The following TBC1D22A variants were observed in gnomAD, a reference collection of about 807,000 sequenced individuals.
The protein encoded by TBC1D22A is TBC1 domain family member 22A, also known as putative GTPase activator.
TBC1D22A carries 38 observed loss-of-function variants against 60.2 expected under a neutral mutation model. The observed-to-expected ratio is 0.63, with a 90% confidence interval of 0.49 to 0.83. The LOEUF is 0.83. TBC1D22A is among the 40% of genes least tolerant of loss of function. The pLI, the probability that TBC1D22A is intolerant of heterozygous loss-of-function variation, is 0.00. For missense variants in TBC1D22A, 628 were observed against 701.0 expected (o/e 0.90, Z 1.18); for synonymous variants, 302 against 281.7 (o/e 1.07, Z -0.72).
intron 8 of TBC1D22A, among the ~76,000 whole-genome samples, chr22:46,972,840 G>A (rs961309709): frequency 6.6e-6 from 1 of 152,146 alleles, no homozygotes; most frequent in Non-Finnish European, 1.5e-5. Flanking sequence ...GTGACTGAGG[G>A]TCCACCCCCA....
chr22:46,796,407 A>G (rs537709814), intron 3 of TBC1D22A, among the ~76,000 whole-genome samples: 8 of 152,290 alleles, frequency 5.3e-5, no homozygotes, highest in Non-Finnish European at 5.9e-5. Flanking sequence ...CTCCTTGCTC[A>G]GCGGCTGCTG....
chr22:46,798,589 C>A (rs2084759507), intron 4 of TBC1D22A, among the ~76,000 whole-genome samples: 1 of 152,252 alleles, frequency 6.6e-6, no homozygotes, highest in South Asian at 2.1e-4. Context: ...TCCTTCCTTT[C>A]CCTATCTCAT....
rs561247383 is a variant in TBC1D22A, at chr22:47,032,765, C to T, written c.1202-4306C>T. Among the ~76,000 whole-genome samples the T allele has an allele frequency of 1.9e-4, 29 of 152,346 alleles. No individual in the cohort carries two copies. In the South Asian group the frequency reaches 5.8e-3, roughly 30 times the overall value. ...TGCTGACTTCAGCTTATCTCCACGG[C>T]AGAGCTTCATTCACGCCAGTGCAAG... On this transcript the variant is annotated intron_variant, in intron 10 of 12. Coordinates refer to ENST00000337137, the MANE Select transcript of TBC1D22A (RefSeq NM_014346.5).
chr22:47,090,669 C>T (rs1329992679), intron 11 of TBC1D22A, among the ~76,000 whole-genome samples: 1 of 151,990 alleles, frequency 6.6e-6, no homozygotes, highest in African/African-American at 2.4e-5. Flanking sequence ...TTGACAGTAG[C>T]GGGGAGGGGG....
chr22:46,862,154 G>A (rs894109139), intron 4 of TBC1D22A, among the ~76,000 whole-genome samples: 3 of 152,230 alleles, frequency 2.0e-5, no homozygotes, highest in African/African-American at 7.2e-5. Context: ...GTTAATGAGT[G>A]AGTGTGAAGA....
chr22:47,022,353 G>A (rs1255511012), intron 10 of TBC1D22A, among the ~76,000 whole-genome samples: 2 of 152,218 alleles, frequency 1.3e-5, no homozygotes, highest in African/African-American at 4.8e-5. Context: ...TACAGGGTGA[G>A]CTCCATGATT....
chr22:46,969,906 T>A (rs1052926494), intron 8 of TBC1D22A, among the ~76,000 whole-genome samples: 2 of 152,222 alleles, frequency 1.3e-5, no homozygotes, highest in African/African-American at 2.4e-5. Context: ...GATACAATCA[T>A]ATTTCAGATG....
At chr22:46,870,330 G>A (rs373473929) in intron 4 of TBC1D22A, among the ~76,000 whole-genome samples, 1 of 152,178 alleles carries the variant, frequency 6.6e-6, no homozygotes. Context: ...GAGAAGTAAA[G>A]CTTTCACAGT....
At chr22:46,978,492 A>G (rs1424950874) in intron 9 of TBC1D22A, among the ~76,000 whole-genome samples, 2 of 152,244 alleles carry the variant, frequency 1.3e-5, no homozygotes, top group Admixed American at 1.3e-4. Flanking sequence ...AACTTAATAG[A>G]AGAATTCTTG....
At chr22:46,798,067 G>A (rs1601907335) in intron 4 of TBC1D22A, among the ~76,000 whole-genome samples, 1 of 152,048 alleles carries the variant, frequency 6.6e-6, no homozygotes, top group Non-Finnish European at 1.5e-5. Context: ...CTACAGATAC[G>A]GGTCTGCCTG....
chr22:46,793,774 C>G lies in TBC1D22A; in HGVS notation c.393C>G (p.Pro131=), dbSNP rs754290212. The change falls in exon 3 of 13, where the codon CCC becomes CCG. Residue 131 remains proline, a synonymous_variant. Transcript: ENST00000337137. The part of the protein sequence containing the change: ...QQKPRPEAEP[P]SPPSGDLRLV... Reference sequence around the variant, plus strand: ...AGCCCAGGCCCGAGGCAGAGCCGCCCTCACCCCCCAGCGGCGACCTCCGGC... The same window carrying G: ...AGCCCAGGCCCGAGGCAGAGCCGCCGTCACCCCCCAGCGGCGACCTCCGGC... The G allele has an allele frequency of 1.9e-6, 3 of 1,604,006 alleles. No homozygotes were observed. Among genetic ancestry groups the G allele is most frequent in the Non-Finnish European group, 2.6e-6 (3 of 1,176,062 alleles).
intron 4 of TBC1D22A, among the ~76,000 whole-genome samples, chr22:46,869,319 C>T (rs1361563259): frequency 1.3e-5 from 2 of 152,226 alleles, no homozygotes; most frequent in African/African-American, 4.8e-5. Context: ...ACCTTGCATT[C>T]CTTTCTCCCA....
intron 9 of TBC1D22A, among the ~76,000 whole-genome samples, chr22:46,995,571 C>T (rs1454283144): frequency 6.6e-6 from 1 of 152,134 alleles, no homozygotes; most frequent in Non-Finnish European, 1.5e-5. Context: ...CGTGTGTTCA[C>T]ATTTGACTTT....
intron 10 of TBC1D22A, among the ~76,000 whole-genome samples, chr22:46,997,995 A>G (rs1259598167): frequency 6.6e-6 from 1 of 152,162 alleles, no homozygotes; most frequent in Admixed American, 6.5e-5. Context: ...GTCATAATCT[A>G]GGTGACGGAT....
chr22:47,037,618 G>A (rs1049590039), intron 11 of TBC1D22A, among the ~76,000 whole-genome samples: 1 of 152,128 alleles, frequency 6.6e-6, no homozygotes, highest in Admixed American at 6.5e-5. Context: ...GTGGCAGAGC[G>A]AGACTCCATC....
chr22:46,850,337 T>C (rs937059153), intron 4 of TBC1D22A, among the ~76,000 whole-genome samples: 2 of 152,204 alleles, frequency 1.3e-5, no homozygotes, highest in East Asian at 1.9e-4. Flanking sequence ...TGTGTGTGTG[T>C]GCGTGTGCGC....
chr22:46,826,696 G>A (rs916795605), intron 4 of TBC1D22A, among the ~76,000 whole-genome samples: 14 of 152,252 alleles, frequency 9.2e-5, no homozygotes. Context: ...CCCGGAGCTT[G>A]CTTGAGTGCT....
intron 11 of TBC1D22A, among the ~76,000 whole-genome samples, chr22:47,091,748 G>A (rs1273546664): frequency 6.6e-6 from 1 of 152,140 alleles, no homozygotes; most frequent in Admixed American, 6.5e-5. Context: ...AGTTTATCCA[G>A]CTGGACTCTT....
chr22:47,004,212 C>A (rs556276847), intron 10 of TBC1D22A, among the ~76,000 whole-genome samples: 1 of 146,018 alleles, frequency 6.8e-6, no homozygotes, highest in East Asian at 2.0e-4. Context: ...CATACACACA[C>A]CCCTACACAC....
Sources: gnomAD v4.1 joint callset for allele counts (sites outside exome capture counted in the v4.1 genomes callset) on GRCh38, gnomAD v4.1.1 for gene constraint, MANE v1.5 for transcripts, NCBI Gene and HGNC (gene_info 2026-07-23, HGNC 2026-07-21) for gene names.